The following SGCZ variants were observed in gnomAD, a reference collection of about 807,000 sequenced individuals.
The protein encoded by SGCZ is zeta-sarcoglycan.
Under a neutral mutation model 41.3 loss-of-function variants are expected in SGCZ, and 40 were observed. The observed-to-expected ratio is 0.97, with a 90% CI of 0.75 to 1.26. SGCZ has a LOEUF of 1.26. Ranked by LOEUF, SGCZ falls within the 50% of genes most tolerant of loss-of-function variation. The pLI is 0.00. For missense variants in SGCZ, 552 were observed against 369.8 expected (o/e 1.49, Z -4.04); for synonymous variants, 206 against 137.5 (o/e 1.50, Z -3.49).
intron 4 of SGCZ, among the ~76,000 whole-genome samples, chr8:14,234,941 A>G (rs894566965): frequency 7.2e-5 from 11 of 152,224 alleles, no homozygotes; most frequent in Admixed American, 1.3e-4. Context: ...CACTGAATAG[A>G]AAAGCATCAT....
chr8:14,867,227 C>A (rs757785900), intron 1 of SGCZ, among the ~76,000 whole-genome samples: 3 of 151,986 alleles, frequency 2.0e-5, no homozygotes, highest in Non-Finnish European at 4.4e-5. Flanking sequence ...TGTTCAAACG[C>A]CTGAAGTAGG....
chr8:14,860,752 G>GAAAGAAAGAAAGAA (rs1563321452), intron 1 of SGCZ, among the ~76,000 whole-genome samples: 4 of 129,400 alleles, frequency 3.1e-5, no homozygotes, highest in African/African-American at 1.1e-4. Context: ...GTAAGTAAGT[G>GAAAGAAAGAAAGAA]AGGGAGGGAG....
intron 2 of SGCZ, among the ~76,000 whole-genome samples, chr8:14,478,914 T>A (rs943987043): frequency 1.3e-5 from 2 of 151,624 alleles, no homozygotes; most frequent in African/African-American, 4.9e-5. Context: ...CTCACCTTCC[T>A]GTATCTACAC....
At chr8:15,165,429 G>A (rs1210317662) in intron 1 of SGCZ, among the ~76,000 whole-genome samples, 2 of 152,286 alleles carry the variant, frequency 1.3e-5, no homozygotes, top group East Asian at 1.9e-4. Flanking sequence ...CGGGTCAGAA[G>A]CAAGGTTTGC....
chr8:14,255,585 A>G (rs1162554738), intron 3 of SGCZ, among the ~76,000 whole-genome samples: 1 of 152,114 alleles, frequency 6.6e-6, no homozygotes, highest in Non-Finnish European at 1.5e-5. Flanking sequence ...AATTTATTAA[A>G]GATAATTACA....
chr8:14,408,972 CAT>C (rs1563310510), intron 2 of SGCZ, among the ~76,000 whole-genome samples: 27 of 69,674 alleles, frequency 3.9e-4, no homozygotes, highest in Non-Finnish European at 5.7e-4. Context: ...TGTGTGTGTG[CAT>C]GTGTGCGTGT....
intron 1 of SGCZ, among the ~76,000 whole-genome samples, chr8:14,629,206 C>T: frequency 6.6e-6 from 1 of 152,086 alleles, no homozygotes; most frequent in East Asian, 1.9e-4. Context: ...CCTTCCAATA[C>T]TTTGATTACT....
rs1585230074 is a variant in SGCZ, at chr8:14,750,383, TAGG to T, written c.40-195460_40-195458del. Reference sequence around the variant, plus strand: ...ATAAATCATTTAAAATATAGTAAAGTAGGAGAACTGAATAATTTTCACTTTGCA... The same window carrying T: ...ATAAATCATTTAAAATATAGTAAAGTAGAACTGAATAATTTTCACTTTGCA... On this transcript the variant is annotated intron_variant, in intron 1 of 7. Transcript: ENST00000382080. 3.9e-5 allele frequency among the ~76,000 whole-genome samples: 6 copies of T among 152,244 alleles called. No homozygotes were observed. In the East Asian group the frequency reaches 7.7e-4, roughly 20 times the overall value.
At chr8:15,041,737 A>G (rs531968244) in intron 1 of SGCZ, among the ~76,000 whole-genome samples, 1 of 137,702 alleles carries the variant, frequency 7.3e-6, no homozygotes, top group South Asian at 2.4e-4. Context: ...TATAATTTTC[A>G]GATTGGGAAA....
At chr8:14,985,411 A>G (rs73519044) in intron 1 of SGCZ, among the ~76,000 whole-genome samples, 1,834 of 152,214 alleles carry the variant, frequency 0.012, 42 homozygotes, top group African/African-American at 0.043. Flanking sequence ...CCTACACTCA[A>G]ATAACACACA....
intron 1 of SGCZ, among the ~76,000 whole-genome samples, chr8:15,065,155 G>A (rs184258065): frequency 3.3e-5 from 5 of 152,168 alleles, no homozygotes; most frequent in Admixed American, 3.3e-4. Flanking sequence ...AGACGGAACT[G>A]CTTACTCCAA....
At chr8:14,394,099 G>A (rs1288750413) in intron 2 of SGCZ, among the ~76,000 whole-genome samples, 1 of 150,410 alleles carries the variant, frequency 6.6e-6, no homozygotes, top group Admixed American at 6.6e-5. Context: ...AATGACTACT[G>A]CTGTGTCCTG....
intron 3 of SGCZ, among the ~76,000 whole-genome samples, chr8:14,256,004 C>T (rs1046329740): frequency 2.0e-5 from 3 of 152,052 alleles, no homozygotes; most frequent in African/African-American, 7.2e-5. Flanking sequence ...TCTCTCACTT[C>T]GAGGAACATG....
chr8:15,015,674 A>C (rs7387135), intron 1 of SGCZ, among the ~76,000 whole-genome samples: 119,032 of 134,260 alleles, frequency 0.89, 53,412 homozygotes, highest in Non-Finnish European at 0.97. Context: ...GGCAACAGAG[A>C]GAGACTCCAT....
At chr8:14,214,763 C>T (rs891071449) in intron 4 of SGCZ, among the ~76,000 whole-genome samples, 10 of 151,326 alleles carry the variant, frequency 6.6e-5, no homozygotes, top group Admixed American at 2.6e-4. Context: ...GAATATTACC[C>T]GGACAAAAAA....
chr8:14,829,240 A>G (rs1284457151), intron 1 of SGCZ, among the ~76,000 whole-genome samples: 3 of 117,882 alleles, frequency 2.5e-5, no homozygotes, highest in African/African-American at 1.5e-4. Flanking sequence ...TGCCGTCTAT[A>G]TATCCATGTG....
intron 2 of SGCZ, among the ~76,000 whole-genome samples, chr8:14,336,221 C>G (rs1312857931): frequency 6.6e-6 from 1 of 152,142 alleles, no homozygotes; most frequent in East Asian, 1.9e-4. Flanking sequence ...CTAGTTCCAT[C>G]CATGTTCCTG....
chr8:14,372,989 G>A (rs575386660), intron 2 of SGCZ, among the ~76,000 whole-genome samples: 6 of 152,134 alleles, frequency 3.9e-5, no homozygotes, highest in Non-Finnish European at 2.9e-5. Context: ...AATAAAGACA[G>A]TAGTCACTGC....
chr8:15,142,515 C>T (rs1335441225), intron 1 of SGCZ, among the ~76,000 whole-genome samples: 2 of 152,010 alleles, frequency 1.3e-5, no homozygotes, highest in Admixed American at 1.3e-4. Context: ...TAGAAACTGG[C>T]CCTCAGCCTG....
Sources: gnomAD v4.1 joint callset for allele counts (sites outside exome capture counted in the v4.1 genomes callset) on GRCh38, gnomAD v4.1.1 for gene constraint, MANE v1.5 for transcripts, NCBI Gene and HGNC (gene_info 2026-07-23, HGNC 2026-07-21) for gene names.